The following RGS7 variants were observed in gnomAD, a reference collection of about 807,000 sequenced individuals.
RGS7 encodes the protein regulator of G-protein signaling 7.
RGS7 carries 27 observed loss-of-function variants against 81.1 expected under a neutral mutation model. The ratio of observed to expected loss-of-function variants is 0.33; its 90% confidence interval spans 0.25 to 0.46. The LOEUF (loss-of-function observed/expected upper bound fraction) is 0.46, where lower values mean the gene tolerates loss of function less well. RGS7 is among the 20% of genes least tolerant of loss of function. RGS7 has a pLI of 1.00. For synonymous variants in RGS7, 208 were observed against 207.7 expected (o/e 1.00, Z -0.01); for missense variants, 396 against 607.4 (o/e 0.65, Z 3.66).
At chr1:240,892,440 C>T (rs1042400708) in intron 6 of RGS7, among the ~76,000 whole-genome samples, 1 of 152,098 alleles carries the variant, frequency 6.6e-6, no homozygotes, top group South Asian at 2.1e-4. Context: ...CCAAAAGCCC[C>T]GTAGGACAAC....
chr1:240,894,692 T>C (rs1409065512), intron 6 of RGS7, among the ~76,000 whole-genome samples: 1 of 152,128 alleles, frequency 6.6e-6, no homozygotes. Flanking sequence ...GGTAATTTTA[T>C]ATAATTTTAA....
At chr1:240,801,555 T>G (rs1438973630) in intron 16 of RGS7, 47 bp from the exon 17 acceptor site, 2 of 1,307,832 alleles carry the variant, frequency 1.5e-6, no homozygotes, top group African/African-American at 2.9e-5. Flanking sequence ...AAGGGAAGAT[T>G]AAAAAAAAGA....
chr1:241,276,557 G>A (rs2078204980), intron 2 of RGS7, among the ~76,000 whole-genome samples: 1 of 152,152 alleles, frequency 6.6e-6, no homozygotes, highest in Non-Finnish European at 1.5e-5. Context: ...AATCTGCTAC[G>A]ATTTGCATAC....
At chr1:241,153,008 T>C (rs189141028) in intron 2 of RGS7, among the ~76,000 whole-genome samples, 1 of 152,354 alleles carries the variant, frequency 6.6e-6, no homozygotes, top group African/African-American at 2.4e-5. Context: ...TGCAACTCAG[T>C]GCCCATTTTT....
chr1:240,952,568 G>C (rs1679738684), intron 4 of RGS7, among the ~76,000 whole-genome samples: 1 of 151,950 alleles, frequency 6.6e-6, no homozygotes, highest in South Asian at 2.1e-4. Flanking sequence ...ACCAGAGTTG[G>C]CTGAAAAAGA....
intron 4 of RGS7, among the ~76,000 whole-genome samples, chr1:240,955,899 G>C (rs887354042): frequency 6.7e-6 from 1 of 148,978 alleles, no homozygotes; most frequent in Non-Finnish European, 1.5e-5. Flanking sequence ...AGACCTAAAT[G>C]CAAAATGCAA....
chr1:241,195,738 G>A lies in RGS7; in HGVS notation c.79-96976C>T, dbSNP rs2073020722. Among the ~76,000 whole-genome samples, 5 of 151,428 alleles carry A rather than the reference G, an allele frequency of 3.3e-5. No individual in the cohort carries two copies. In the South Asian group the frequency reaches 1.0e-3, roughly 31 times the overall value. On this transcript the variant is annotated intron_variant, in intron 2 of 18. Coordinates refer to ENST00000440928, the MANE Select transcript of RGS7 (RefSeq NM_001364886.1). ...GATAGATGTAACAATAAGACATACA[G>A]GACTATTGAAAAAATAGTGAATTGG...
intron 6 of RGS7, among the ~76,000 whole-genome samples, chr1:240,895,631 G>A (rs1001938663): frequency 2.0e-5 from 3 of 152,048 alleles, no homozygotes; most frequent in South Asian, 2.1e-4. Context: ...CCTTTTTTAT[G>A]GCTGCATAGT....
At chr1:240,940,378 G>T (rs1028088439) in intron 4 of RGS7, among the ~76,000 whole-genome samples, 1 of 152,148 alleles carries the variant, frequency 6.6e-6, no homozygotes, top group Non-Finnish European at 1.5e-5. Context: ...GTATCCACCT[G>T]GTCTCCAGAT....
In RGS7 at chr1:241,164,432, G is replaced by A. The variant is rs887886980; in HGVS notation, c.79-65670C>T. ...CATGCATTGGTCTTTTCAGCGTCCG[G>A]TCCCCATCCTGAAGCCACCTAGGGA... On this transcript the variant is annotated intron_variant, in intron 2 of 18. Transcript: ENST00000440928. The surrounding 1 kb of genome is among the most constrained non-coding windows in gnomAD (Gnocchi z 4.1). 6.6e-6 allele frequency among the ~76,000 whole-genome samples: 1 copy of A among 152,044 alleles called. No homozygotes were observed. The highest frequency in any genetic ancestry group is 2.1e-4 in the South Asian group (1 of 4,816).
Position 240,816,333 on chromosome 1 carries a change from T to G in RGS7, c.767A>C (p.Asp256Ala). The change falls in exon 11 of 19, where the codon GAT (aspartate) becomes GCT (alanine). Residue 256 changes from aspartate to alanine, a missense_variant. Coordinates refer to ENST00000440928, the MANE Select transcript of RGS7 (RefSeq NM_001364886.1). ...TTGACTCACCTGTTGTTGTAACTCATCTTCTGTTGGAGGTTTAGTTTCTGG... is the reference window on the plus strand; with the variant it reads ...TTGACTCACCTGTTGTTGTAACTCAGCTTCTGTTGGAGGTTTAGTTTCTGG... ...PTPETKPPTE[D>A]ELQQQIKYWQ... 2 of 1,609,824 alleles carry G rather than the reference T, an allele frequency of 1.2e-6. No individual in the cohort carries two copies. The highest frequency in any genetic ancestry group is 1.7e-6 in the Non-Finnish European group (2 of 1,176,194).
At chr1:240,789,866 C>A (rs1384437934) in intron 18 of RGS7, among the ~76,000 whole-genome samples, 2 of 152,114 alleles carry the variant, frequency 1.3e-5, no homozygotes, top group African/African-American at 4.8e-5. Flanking sequence ...ATCTCTGTGA[C>A]CCACACCCTA....
intron 2 of RGS7, among the ~76,000 whole-genome samples, chr1:241,299,653 G>A (rs965759962): frequency 3.3e-5 from 5 of 151,736 alleles, no homozygotes; most frequent in African/African-American, 1.2e-4. Flanking sequence ...TCAAAATATA[G>A]TGTTAATTTT....
rs923668511 is a variant in RGS7, at chr1:240,936,741, G to C, written c.227-35C>G. 2.6e-6 allele frequency: 4 copies of C among 1,513,940 alleles called. No individual in the cohort carries two copies. The African/African-American group carries it at 4.1e-5, about 16-fold the overall frequency. The allele number at this position is 1,513,940 out of a possible 1,614,324, so 93.8% of individuals were successfully genotyped here. On this transcript the variant is annotated intron_variant, in intron 4 of 18. Transcript: ENST00000440928. ...GAAAACAAACAAAGAACATAAAAAA[G>C]CCTTTTAAATGTATTCTTTTATAGG...
At chr1:241,261,087 T>TAAAAC (rs571967068) in intron 2 of RGS7, among the ~76,000 whole-genome samples, 1 of 151,088 alleles carries the variant, frequency 6.6e-6, no homozygotes, top group Admixed American at 6.6e-5. Context: ...AAAAAAAAAT[T>TAAAAC]AAAACAAAAC....
At chr1:240,908,190 G>A (rs1243325585) in intron 6 of RGS7, among the ~76,000 whole-genome samples, 2 of 124,292 alleles carry the variant, frequency 1.6e-5, no homozygotes, top group African/African-American at 6.0e-5. Context: ...ACACACCGGG[G>A]CCTGTCGTGG....
At chr1:240,955,324 G>A (rs971377963) in intron 4 of RGS7, among the ~76,000 whole-genome samples, 3 of 152,072 alleles carry the variant, frequency 2.0e-5, no homozygotes, top group East Asian at 1.9e-4. Flanking sequence ...AGGCCGAGGC[G>A]GGCGGATCAC....
chr1:240,782,459 A>G (rs574730627), intron 18 of RGS7, among the ~76,000 whole-genome samples: 9 of 152,254 alleles, frequency 5.9e-5, no homozygotes, highest in African/African-American at 1.9e-4. Flanking sequence ...GTCTTGCTCT[A>G]TCACCCAGGT....
rs765729186 is a variant in RGS7 at position 241,098,675 on chromosome 1, C to T, written c.166G>A (p.Val56Ile). 3.1e-6 allele frequency: 5 copies of T among 1,610,344 alleles called. No individual in the cohort carries two copies. The highest frequency in any genetic ancestry group is 2.5e-6 in the Non-Finnish European group (3 of 1,176,792). ...CTCCATGCAGACTTACCAGAGAAGA[C>T]GCTAGGTATCTTGGAAAGAAAGCTT... ...VKSFLSKIPSVFSGSDIVQWL... is the reference protein window; with the variant it reads ...VKSFLSKIPSIFSGSDIVQWL... Residue 56 changes from valine to isoleucine, a missense_variant, in exon 3 of 19, where the codon GTC becomes ATC. Physicochemically the swap from Val to Ile is conservative, Grantham distance 29. Transcript: ENST00000440928.
Sources: gnomAD v4.1 joint callset for allele counts (sites outside exome capture counted in the v4.1 genomes callset) on GRCh38, gnomAD v4.1.1 for gene constraint, Gnocchi (gnomAD v3.1) non-coding constraint, MANE v1.5 for transcripts, NCBI Gene and HGNC (gene_info 2026-07-23, HGNC 2026-07-21) for gene names.